RBFOX1: variants seen among roughly 807,000 people sequenced by gnomAD.
RBFOX1 encodes RNA binding protein fox-1 homolog 1.
RBFOX1 carries 8 observed loss-of-function variants against 57.7 expected under a neutral mutation model. The ratio of observed to expected loss-of-function variants is 0.14; its 90% CI spans 0.08 to 0.25. The LOEUF (loss-of-function observed/expected upper bound fraction) is 0.25. Among genes scored for constraint, RBFOX1 ranks in the 10% least tolerant of loss-of-function variants. The pLI is 1.00. For synonymous variants in RBFOX1, 326 were observed against 222.4 expected (o/e 1.47, Z -4.15); for missense variants, 611 against 548.5 (o/e 1.11, Z -1.14).
chr16:5,529,120 A>G (rs948143153), intron 2 of RBFOX1, among the ~76,000 whole-genome samples: 11 of 152,062 alleles, frequency 7.2e-5, no homozygotes, highest in African/African-American at 2.7e-4. Flanking sequence ...ACATTAATAG[A>G]GGACTCTCAG....
At chr16:6,831,289 G>A (rs1021811887) in intron 3 of RBFOX1, among the ~76,000 whole-genome samples, 1 of 152,180 alleles carries the variant, frequency 6.6e-6, no homozygotes, top group African/African-American at 2.4e-5. Context: ...AGTCCAAGAT[G>A]TAAATTTACA....
intron 1 of RBFOX1, among the ~76,000 whole-genome samples, chr16:5,320,562 GTTTTC>G (rs2064374313): frequency 6.6e-6 from 1 of 152,236 alleles, no homozygotes; most frequent in Non-Finnish European, 1.5e-5. Context: ...GAGCTGCCAT[GTTTTC>G]TGCTGCCTGA....
intron 1 of RBFOX1, among the ~76,000 whole-genome samples, chr16:6,274,069 T>C (rs568973404): frequency 6.6e-6 from 1 of 152,302 alleles, no homozygotes; most frequent in South Asian, 2.1e-4. Context: ...TTGTTGAGCA[T>C]TCGGATTACA....
intron 3 of RBFOX1, among the ~76,000 whole-genome samples, chr16:7,022,553 C>G (rs906884691): frequency 6.6e-6 from 1 of 151,962 alleles, no homozygotes; most frequent in Non-Finnish European, 1.5e-5. Context: ...TTCATGATAA[C>G]CCTAGTGAAG....
chr16:6,969,342 A>C (rs537852351), intron 3 of RBFOX1, among the ~76,000 whole-genome samples: 6 of 152,178 alleles, frequency 3.9e-5, no homozygotes, highest in Non-Finnish European at 8.8e-5. Flanking sequence ...TGAGGGAGGC[A>C]GTGTCATGCA....
At chr16:7,458,928 G>A (rs1198534452) in intron 4 of RBFOX1, among the ~76,000 whole-genome samples, 1 of 152,206 alleles carries the variant, frequency 6.6e-6, no homozygotes, top group Non-Finnish European at 1.5e-5. Context: ...AGATATTTTA[G>A]CATGTTTTGT....
chr16:6,265,321 G>A (rs2074340214), intron 1 of RBFOX1, among the ~76,000 whole-genome samples: 1 of 152,052 alleles, frequency 6.6e-6, no homozygotes, highest in African/African-American at 2.4e-5. Context: ...GAGTGCAGTG[G>A]TGCAGTCTCG....
At chr16:5,606,869 T>A (rs1023418905) in intron 3 of RBFOX1, among the ~76,000 whole-genome samples, 1 of 152,138 alleles carries the variant, frequency 6.6e-6, no homozygotes, top group African/African-American at 2.4e-5. Context: ...GGGTCTGTTA[T>A]AGTCTGGAAG....
intron 1 of RBFOX1, among the ~76,000 whole-genome samples, chr16:6,188,282 A>G (rs114669601): frequency 1.3e-5 from 2 of 152,072 alleles, no homozygotes; most frequent in African/African-American, 4.8e-5. Flanking sequence ...AGGCAGACTG[A>G]GTGATTTATT....
At chr16:5,796,658 A>G (rs1349887256) in intron 3 of RBFOX1, among the ~76,000 whole-genome samples, 2 of 152,216 alleles carry the variant, frequency 1.3e-5, no homozygotes, top group Non-Finnish European at 2.9e-5. Flanking sequence ...TTACTTGTCA[A>G]TGCCCATTTG....
chr16:6,673,093 C>G (rs1011270177), intron 3 of RBFOX1, among the ~76,000 whole-genome samples: 1 of 152,166 alleles, frequency 6.6e-6, no homozygotes, highest in Non-Finnish European at 1.5e-5. Flanking sequence ...AGATTGGTCA[C>G]GTAAATGCAA....
chr16:7,214,224 C>T (rs367668053), intron 4 of RBFOX1, among the ~76,000 whole-genome samples: 116 of 152,272 alleles, frequency 7.6e-4, no homozygotes, highest in African/African-American at 2.6e-3. Context: ...CTACAATTTT[C>T]TGTGAAGTGT....
intron 3 of RBFOX1, among the ~76,000 whole-genome samples, chr16:5,857,614 C>T (rs1008619253): frequency 6.6e-6 from 1 of 152,166 alleles, no homozygotes; most frequent in East Asian, 1.9e-4. Flanking sequence ...CTGAGTGAAT[C>T]CCCTGTTGTT....
At chr16:6,035,312 C>T (rs376353893) in intron 1 of RBFOX1, among the ~76,000 whole-genome samples, 13 of 152,190 alleles carry the variant, frequency 8.5e-5, no homozygotes, top group African/African-American at 3.1e-4. Flanking sequence ...GCCGTCTCAG[C>T]CAAGGGACAC....
At chr16:5,265,299 G>C (rs2062830823) in intron 1 of RBFOX1, among the ~76,000 whole-genome samples, 1 of 151,732 alleles carries the variant, frequency 6.6e-6, no homozygotes, top group African/African-American at 2.4e-5. Context: ...TGATAAAACG[G>C]TACAGCCATG....
intron 3 of RBFOX1, among the ~76,000 whole-genome samples, chr16:6,883,963 G>A (rs551273764): frequency 2.2e-4 from 33 of 152,126 alleles, no homozygotes; most frequent in Middle Eastern, 3.2e-3. Context: ...GGTCCAAAGC[G>A]CAGAGGAGAT....
intron 1 of RBFOX1, among the ~76,000 whole-genome samples, chr16:5,422,681 G>A (rs1428046623): frequency 7.8e-6 from 1 of 129,008 alleles, no homozygotes; most frequent in African/African-American, 3.0e-5. Context: ...GGGAGAGGGA[G>A]CAGGAAGGAG....
At chr16:7,202,472 C>G (rs1418690960) in intron 4 of RBFOX1, among the ~76,000 whole-genome samples, 1 of 152,122 alleles carries the variant, frequency 6.6e-6, no homozygotes, top group East Asian at 1.9e-4. Context: ...AATTCTTATT[C>G]TGGATATATA....
At chr16:5,300,806 A>C (rs1209308349) in intron 1 of RBFOX1, among the ~76,000 whole-genome samples, 3 of 152,178 alleles carry the variant, frequency 2.0e-5, no homozygotes, top group Admixed American at 1.3e-4. Context: ...TGAAAAACAA[A>C]ATTTTTGAAA....
Sources: gnomAD v4.1 joint callset for allele counts (sites outside exome capture counted in the v4.1 genomes callset) on GRCh38, gnomAD v4.1.1 for gene constraint, MANE v1.5 for transcripts, NCBI Gene and HGNC (gene_info 2026-07-23, HGNC 2026-07-21) for gene names.